Variants in RGP1 observed in about 807,000 individuals in gnomAD.
RGP1 encodes the protein RAB6A-GEF complex partner protein 2.
A neutral mutation model predicts 44.5 loss-of-function variants in RGP1; 28 were observed. The ratio of observed to expected loss-of-function variants is 0.63; its 90% CI spans 0.47 to 0.86. The LOEUF (loss-of-function observed/expected upper bound fraction) is 0.86. Among genes scored for constraint, RGP1 ranks in the 40% least tolerant of loss-of-function variants. RGP1 has a pLI of 0.00. For synonymous variants in RGP1, 212 were observed against 196.7 expected (o/e 1.08, Z -0.65); for missense variants, 417 against 490.7 (o/e 0.85, Z 1.42).
At chr9:35,771,759 T>TA in the RGP1 span, among the ~76,000 whole-genome samples, 20 of 152,354 alleles carry the variant, frequency 1.3e-4, no homozygotes, top group South Asian at 3.9e-3. Flanking sequence ...ATGTGATTGA[T>TA]AAAAATGTGT....
At chr9:35,779,904 TA>T in the RGP1 span, among the ~76,000 whole-genome samples, 3 of 151,530 alleles carry the variant, frequency 2.0e-5, no homozygotes, top group Non-Finnish European at 4.4e-5. Context: ...CTCGGCTAAT[TA>T]AAAAAAAATT....
the RGP1 span, among the ~76,000 whole-genome samples, chr9:35,764,943 T>C: frequency 2.0e-5 from 3 of 152,050 alleles, no homozygotes; most frequent in African/African-American, 4.8e-5. Flanking sequence ...CTGGCCAACA[T>C]GGTGAAATCC....
the RGP1 span, among the ~76,000 whole-genome samples, chr9:35,771,521 T>G: frequency 2.0e-5 from 3 of 152,258 alleles, no homozygotes; most frequent in African/African-American, 7.2e-5. Context: ...CTCTATGTTC[T>G]GTGAATTGGG....
rs1827291809 is a variant in RGP1, at chr9:35,752,868, C to A, written c.1170C>A (p.Thr390=). The A allele has an allele frequency of 6.2e-7, 1 of 1,613,572 alleles. No homozygotes were observed. The highest frequency in any genetic ancestry group is 1.3e-5 in the African/African-American group (1 of 74,924). ...AAPGPSTSTI[T]I ...CAGGCCCCAGCACCAGCACCATAAC[C>A]ATCTGAAACTGGCCCACCCTGGTGC... The change falls in exon 9 of 9, where the codon ACC becomes ACA. Residue 390 remains threonine (T), a synonymous_variant. Transcript: ENST00000378078.
At chr9:35,780,652 C>G in the RGP1 span, 1 of 152,246 alleles carries the variant, frequency 6.6e-6, no homozygotes, top group Non-Finnish European at 1.5e-5. Flanking sequence ...GGGTGGATCA[C>G]TTGAGCTCAG....
the RGP1 span, chr9:35,790,123 A>G: frequency 8.6e-6 from 1 of 115,910 alleles, no homozygotes; most frequent in Non-Finnish European, 1.7e-5. Context: ...CATTCTTTTG[A>G]CTGTTCCTTT....
chr9:35,771,791 T>A, the RGP1 span, among the ~76,000 whole-genome samples: 1 of 152,236 alleles, frequency 6.6e-6, no homozygotes, highest in African/African-American at 2.4e-5. Context: ...GTAAGTGAGT[T>A]TTAAAAATGT....
At chr9:35,774,734 C>CAA in the RGP1 span, among the ~76,000 whole-genome samples, 5 of 149,512 alleles carry the variant, frequency 3.3e-5, no homozygotes, top group African/African-American at 1.2e-4. Flanking sequence ...AAAAACAAAA[C>CAA]AAAAAAAAAC....
downstream of RGP1, among the ~76,000 whole-genome samples, chr9:35,762,182 G>A (rs1827424114): frequency 6.6e-6 from 1 of 152,152 alleles, no homozygotes; most frequent in Non-Finnish European, 1.5e-5. Context: ...TGTCATGCCA[G>A]AGCAAGAGCA....
In RGP1 at chr9:35,749,632, C is replaced by G; in HGVS notation, c.-19-105C>G. ...CTATATCCAGGAGCTCCCTCGGGCA[C>G]CACGGTGCTGACCACCCCTGTCCTC... On this transcript the variant is annotated intron_variant, in intron 1 of 8. Transcript: ENST00000378078. This position sits in a 1 kb window ranked among gnomAD's most constrained non-coding sequence, Gnocchi z 4.4. 1.4e-6 allele frequency: 1 copy of G among 737,050 alleles called. No individual in the cohort carries two copies. Among genetic ancestry groups the G allele is most frequent in the Non-Finnish European group, 2.4e-6 (1 of 412,024 alleles). The allele number at this position is 737,050 out of a possible 1,614,324, so 45.7% of individuals were successfully genotyped here. A position where few individuals can be genotyped will look rare whatever the true frequency, so the allele number is the denominator to read the frequency against.
the RGP1 span, among the ~76,000 whole-genome samples, chr9:35,780,977 A>G: frequency 6.6e-6 from 1 of 152,180 alleles, no homozygotes; most frequent in Non-Finnish European, 1.5e-5. Context: ...TTTGAATTCT[A>G]AAATATACTG....
rs758169456 is a variant in RGP1, at chr9:35,749,730, C to G, written c.-19-7C>G. On this transcript the variant is annotated splice_polypyrimidine_tract_variant and splice_region_variant and intron_variant, in intron 1 of 8. Coordinates refer to ENST00000378078, the MANE Select transcript of RGP1 (RefSeq NM_001080496.3). The surrounding 1 kb of genome is among the most constrained non-coding windows in gnomAD (Gnocchi z 4.4). ...GCTGACCTCCGCCCCGCCTTGTTTC[C>G]TTCTAGATCTGATTCCGGAGCTGCC... 20 of 1,556,578 alleles carry G rather than the reference C, an allele frequency of 1.3e-5. No homozygotes were observed. Among genetic ancestry groups the G allele is most frequent in the Non-Finnish European group, 1.8e-5 (20 of 1,129,404 alleles).
the RGP1 span, among the ~76,000 whole-genome samples, chr9:35,767,554 T>G: frequency 6.6e-6 from 1 of 152,220 alleles, no homozygotes; most frequent in Non-Finnish European, 1.5e-5. Flanking sequence ...CAGAGCAGGA[T>G]GAGCTCTATG....
rs199898637 is a variant in RGP1, at chr9:35,752,642, C to T, written c.953-9C>T. On this transcript the variant is annotated splice_polypyrimidine_tract_variant and intron_variant, in intron 8 of 8. Coordinates refer to ENST00000378078, the MANE Select transcript of RGP1 (RefSeq NM_001080496.3). ...CTGATGCTTCTACCTTAATCTTTTTCTTCCATAGTGTCCTTGAAGTGGAGA... is the reference window on the plus strand; with the variant it reads ...CTGATGCTTCTACCTTAATCTTTTTTTTCCATAGTGTCCTTGAAGTGGAGA... 64 of 1,598,826 alleles carry T rather than the reference C, an allele frequency of 4.0e-5. No individual in the cohort carries two copies. The highest frequency in any genetic ancestry group is 5.1e-5 in the Non-Finnish European group (60 of 1,171,030).
At chr9:35,759,774 C>T (rs1026671043), downstream of RGP1, among the ~76,000 whole-genome samples, 2 of 151,752 alleles carry the variant, frequency 1.3e-5, no homozygotes, top group African/African-American at 2.4e-5. Context: ...TATTGATCTC[C>T]TTCTAGAAGT....
intron 8 of RGP1, 115 bp downstream of exon 8, chr9:35,752,260 G>A (rs1181967754): frequency 3.9e-6 from 4 of 1,027,792 alleles, no homozygotes; most frequent in Non-Finnish European, 5.5e-6. Flanking sequence ...CCCACGTCTA[G>A]CCTCTGACCC....
the RGP1 span, among the ~76,000 whole-genome samples, chr9:35,787,097 CA>C: frequency 0.18 from 23,795 of 131,892 alleles, 2,097 homozygotes; most frequent in East Asian, 0.32. Context: ...AAGACTCTGT[CA>C]AAAAAAAAAA....
At chr9:35,778,806 A>G in the RGP1 span, among the ~76,000 whole-genome samples, 2 of 152,226 alleles carry the variant, frequency 1.3e-5, no homozygotes, top group African/African-American at 2.4e-5. Context: ...AATGATATGT[A>G]AAATGTTGTG....
intron 6 of RGP1, 68 bp downstream of exon 6, chr9:35,751,480 C>A: frequency 6.2e-7 from 1 of 1,603,464 alleles, no homozygotes; most frequent in Non-Finnish European, 8.5e-7. Context: ...CAGAGACAGT[C>A]TCCTAACCAC....
Sources: gnomAD v4.1 joint callset for allele counts (sites outside exome capture counted in the v4.1 genomes callset) on GRCh38, gnomAD v4.1.1 for gene constraint, Gnocchi (gnomAD v3.1) non-coding constraint, MANE v1.5 for transcripts, NCBI Gene and HGNC (gene_info 2026-07-23, HGNC 2026-07-21) for gene names.